The following PCLO variants were observed in gnomAD, a reference collection of about 807,000 sequenced individuals.
PCLO encodes protein piccolo.
Under a neutral mutation model 427.5 loss-of-function variants are expected in PCLO, and 82 were observed. The ratio of observed to expected loss-of-function variants is 0.19; its 90% CI spans 0.16 to 0.23. The LOEUF is 0.23. Ranked by LOEUF, PCLO falls within the 10% of genes least tolerant of loss-of-function variation. The probability of loss-of-function intolerance (pLI) is 1.00; values close to 1 mark genes in which losing one functional copy is unlikely to be tolerated. For missense variants in PCLO, 6,239 were observed against 6,115.9 expected (o/e 1.02, Z -0.67); for synonymous variants, 2,357 against 2,155.4 (o/e 1.09, Z -2.59).
At chr7:82,982,974 GA>G in intron 3 of PCLO, among the ~76,000 whole-genome samples, 1 of 151,598 alleles carries the variant, frequency 6.6e-6, no homozygotes, top group East Asian at 1.9e-4. Flanking sequence ...TCTCACCTGT[GA>G]TTGGGAAAAT....
intron 3 of PCLO, among the ~76,000 whole-genome samples, chr7:83,009,394 A>C (rs1183993880): frequency 2.6e-5 from 4 of 151,852 alleles, no homozygotes; most frequent in African/African-American, 7.2e-5. Flanking sequence ...GTGATTTGTG[A>C]GCAAGTTATT....
At chr7:82,806,247 TA>T (rs1168746541) in intron 20 of PCLO, among the ~76,000 whole-genome samples, 1 of 152,152 alleles carries the variant, frequency 6.6e-6, no homozygotes, top group Non-Finnish European at 1.5e-5. Flanking sequence ...GAAAATTGCT[TA>T]TTTTTTTCCT....
intron 6 of PCLO, among the ~76,000 whole-genome samples, chr7:82,944,458 T>TAAC (rs1379167906): frequency 4.0e-5 from 6 of 151,662 alleles, no homozygotes; most frequent in Admixed American, 3.9e-4. Context: ...ATAAATAAAA[T>TAAC]AACAACAACA....
At chr7:83,049,943 T>G (rs1486407063) in intron 3 of PCLO, among the ~76,000 whole-genome samples, 1 of 151,606 alleles carries the variant, frequency 6.6e-6, no homozygotes, top group Admixed American at 6.6e-5. Flanking sequence ...GGTACAAAAA[T>G]TCTAGTCCCC....
intron 3 of PCLO, among the ~76,000 whole-genome samples, chr7:82,986,288 T>C (rs941517085): frequency 1.3e-5 from 2 of 151,982 alleles, no homozygotes; most frequent in Admixed American, 1.3e-4. Flanking sequence ...CATTCATACA[T>C]GATTTGTAAC....
rs968087197 is a variant in PCLO at position 82,847,164 on chromosome 7, C to T, written c.13738G>A (p.Gly4580Arg). The stretch of plus-strand genomic sequence containing the variant: ...AGTCTTACACATATTTCTGCTTCCC[C>T]ACTTTGCTGACTAATGATACTCTGA... ...EVQSIISQQS[G>R]EAEICVRLDL... Residue 4580 changes from glycine (G) to arginine (R), a missense_variant, in exon 11 of 25, where the codon GGG (glycine) becomes AGG (arginine). Physicochemically the swap from Gly to Arg is moderately radical, Grantham distance 125. Around this residue, in one of 5 missense-constraint regions of PCLO, gnomAD observed 877 missense variants for 925.5 expected, o/e 0.95. Transcript: ENST00000333891. 1 of 1,599,274 alleles carries T rather than the reference C, an allele frequency of 6.3e-7. No homozygotes were observed. The highest frequency in any genetic ancestry group is 1.7e-5 in the Admixed American group (1 of 59,766).
At chr7:82,969,450 G>A (rs1795853554) in intron 3 of PCLO, among the ~76,000 whole-genome samples, 1 of 151,978 alleles carries the variant, frequency 6.6e-6, no homozygotes. Context: ...TCCATGTTCA[G>A]TTAAACCTAG....
chr7:82,754,142 A>C lies in PCLO; in HGVS notation c.*4433T>G, dbSNP rs914180076. The C allele has an allele frequency of 6.6e-6, 1 of 152,148 alleles. No individual in the cohort carries two copies. The highest frequency in any genetic ancestry group is 1.5e-5 in the Non-Finnish European group (1 of 68,010). 9.4% of individuals were successfully genotyped at this position (152,148 alleles called of 1,614,324 possible). On this transcript the variant is annotated 3_prime_UTR_variant, in exon 25 of 25. Transcript: ENST00000333891. Reference sequence around the variant, plus strand: ...ATATTTTTACATAGAGTAAAACTCAAGACGGATTTACAAGCATTTTTTTTT... The same window carrying C: ...ATATTTTTACATAGAGTAAAACTCACGACGGATTTACAAGCATTTTTTTTT...
In PCLO at chr7:83,134,700, G is replaced by C; in HGVS notation, c.2850C>G (p.Gly950=). ...SQASNLISTA[G]QPGPHSQSGP... is the part of the protein sequence containing the mutation. ...CACTTTGTGAATGAGGTCCAGGTTG[G>C]CCTGCAGTGGAAATTAAATTTGATG... The change falls in exon 3 of 25, where the codon GGC becomes GGG. Residue 950 remains glycine, a synonymous_variant. Coordinates refer to ENST00000333891, the MANE Select transcript of PCLO (RefSeq NM_033026.6). 1 of 1,613,726 alleles carries C rather than the reference G, an allele frequency of 6.2e-7. No individual in the cohort carries two copies. The highest frequency in any genetic ancestry group is 8.5e-7 in the Non-Finnish European group (1 of 1,179,780).
At chr7:83,114,888 T>TGGC (rs1367952668) in intron 3 of PCLO, among the ~76,000 whole-genome samples, 1 of 152,072 alleles carries the variant, frequency 6.6e-6, no homozygotes, top group Non-Finnish European at 1.5e-5. Context: ...GCTGACACTA[T>TGGC]TCACTTCTAT....
At chr7:82,933,395 C>T (rs1794882378) in intron 6 of PCLO, among the ~76,000 whole-genome samples, 1 of 151,684 alleles carries the variant, frequency 6.6e-6, no homozygotes, top group Non-Finnish European at 1.5e-5. Context: ...TTAAGTGTTC[C>T]TTATACTGGG....
At chr7:82,998,192 TGA>T (rs1787678450) in intron 3 of PCLO, among the ~76,000 whole-genome samples, 1 of 151,938 alleles carries the variant, frequency 6.6e-6, no homozygotes, top group African/African-American at 2.4e-5. Flanking sequence ...TGGACAAGCC[TGA>T]GAGTTTGAAT....
At chr7:82,957,065 T>A in intron 4 of PCLO, 130 bp from the exon 5 acceptor site, 1 of 980,242 alleles carries the variant, frequency 1.0e-6, no homozygotes, top group Non-Finnish European at 1.4e-6. Flanking sequence ...CATATCTCAG[T>A]ATTTTTTAAA....
chr7:82,847,030 T>C (rs990969959), intron 11 of PCLO, 109 bp downstream of exon 11: 1 of 624,638 alleles, frequency 1.6e-6, no homozygotes, highest in African/African-American at 1.9e-5. Context: ...CTTTATTTTA[T>C]AATTCCAGAA....
At position 82,954,392 on chromosome 7, in the gene PCLO, AGAT is replaced by A. The variant is rs1397833363; in HGVS notation, c.6558_6560del (p.Ser2187del). ...TATCTGTGGTACAGACCGAAGAAAC[AGAT>A]GATGTGAGAGAAGGTGTGTCAGAGG... On this transcript the variant is annotated inframe_deletion, in exon 5 of 25. Transcript: ENST00000333891. 1 of 1,613,946 alleles carries A rather than the reference AGAT, an allele frequency of 6.2e-7. No individual in the cohort carries two copies.
intron 3 of PCLO, among the ~76,000 whole-genome samples, chr7:83,087,018 T>A (rs1790252453): frequency 8.0e-6 from 1 of 124,950 alleles, no homozygotes; most frequent in Admixed American, 1.1e-4. Context: ...AACTGAACAA[T>A]GAAAACACTT....
In PCLO at chr7:82,822,625, T is replaced by G; in HGVS notation, c.14661A>C (p.Glu4887Asp). 1 of 1,613,762 alleles carries G rather than the reference T, an allele frequency of 6.2e-7. No individual in the cohort carries two copies. The highest frequency in any genetic ancestry group is 1.7e-5 in the Admixed American group (1 of 60,008). Reference protein sequence around the residue: ...SSPGSSKSSSEGHLRSHGPSR... With the variant: ...SSPGSSKSSSDGHLRSHGPSR... ...ATGGTCCATGAGAACGGAGATGGCC[T>G]TCTGATGATGATTTTGAGCTACCAG... The change falls in exon 20 of 25, where the codon GAA becomes GAC. Residue 4887 changes from glutamate to aspartate, a missense_variant. This residue lies in a region of PCLO where 877 missense variants were observed against 925.5 expected (regional missense o/e 0.95). Coordinates refer to ENST00000333891, the MANE Select transcript of PCLO (RefSeq NM_033026.6).
At chr7:83,072,303 C>G (rs1789838274) in intron 3 of PCLO, among the ~76,000 whole-genome samples, 1 of 151,970 alleles carries the variant, frequency 6.6e-6, no homozygotes. Context: ...AAAAACTTGA[C>G]TACTTAAAGA....
chr7:83,104,552 T>C (rs1294955229), intron 3 of PCLO, among the ~76,000 whole-genome samples: 3 of 152,086 alleles, frequency 2.0e-5, no homozygotes, highest in Admixed American at 6.6e-5. Context: ...GCTAAAATAA[T>C]TGTATCACCT....
Sources: gnomAD v4.1 joint callset for allele counts (sites outside exome capture counted in the v4.1 genomes callset) on GRCh38, gnomAD v4.1.1 for gene constraint, gnomAD v4.1.1 regional missense constraint, MANE v1.5 for transcripts, NCBI Gene and HGNC (gene_info 2026-07-23, HGNC 2026-07-21) for gene names.